Variants in SPATA24 observed in about 807,000 individuals in gnomAD.
SPATA24 encodes spermatogenesis-associated protein 24.
A neutral mutation model predicts 28.9 loss-of-function variants in SPATA24; 21 were observed. The ratio of observed to expected loss-of-function variants is 0.73; its 90% CI spans 0.52 to 1.05. The LOEUF (loss-of-function observed/expected upper bound fraction) is 1.05. SPATA24 is among the 50% of genes least tolerant of loss of function. The pLI, the probability that SPATA24 is intolerant of heterozygous loss-of-function variation, is 0.00. For missense variants in SPATA24, 215 were observed against 242.9 expected (o/e 0.88, Z 0.76); for synonymous variants, 76 against 89.9 (o/e 0.85, Z 0.88).
downstream of SPATA24, chr5:139,396,637 A>G: frequency 1.3e-6 from 2 of 1,487,386 alleles, no homozygotes; most frequent in South Asian, 2.6e-5. Flanking sequence ...CTACCAGACA[A>G]CAAAGACCCA....
downstream of SPATA24, chr5:139,394,256 G>A (rs1161243522): frequency 2.6e-6 from 4 of 1,545,702 alleles, no homozygotes; most frequent in Non-Finnish European, 2.6e-6. Flanking sequence ...GGTTCCGACC[G>A]CCCCGTGGAC....
chr5:139,403,232 C>G (rs1233482551), intron 1 of SPATA24, among the ~76,000 whole-genome samples: 2 of 152,312 alleles, frequency 1.3e-5, no homozygotes, highest in East Asian at 1.9e-4. Context: ...GGACAGGTCT[C>G]TCTCCCCTTT....
chr5:139,396,344 T>C (rs1758705175), downstream of SPATA24: 3 of 985,442 alleles, frequency 3.0e-6, no homozygotes, highest in African/African-American at 1.7e-5. Context: ...AGCATTGTCT[T>C]TTCTCTTCCT....
downstream of SPATA24, chr5:139,394,175 G>A: frequency 3.9e-6 from 6 of 1,546,292 alleles, no homozygotes; most frequent in Non-Finnish European, 5.2e-6. Context: ...GAATTATCTC[G>A]TACGCGAAGT....
At chr5:139,393,754 G>T, downstream of SPATA24, 11 of 1,551,414 alleles carry the variant, frequency 7.1e-6, no homozygotes, top group Non-Finnish European at 7.8e-6. Flanking sequence ...TTCCTCGACG[G>T]CAGGATTTTG....
chr5:139,394,756 C>A (rs1373670539), downstream of SPATA24: 2 of 1,532,856 alleles, frequency 1.3e-6, no homozygotes, highest in Non-Finnish European at 1.8e-6. Flanking sequence ...TTCCATCTCC[C>A]CCGACGGCAG....
At chr5:139,396,690 C>T, downstream of SPATA24, 1 of 1,544,470 alleles carries the variant, frequency 6.5e-7, no homozygotes, top group Non-Finnish European at 8.7e-7. Context: ...TGGACCCCTA[C>T]CACTATCCAA....
downstream of SPATA24, chr5:139,392,810 C>T: frequency 6.6e-7 from 1 of 1,511,914 alleles, no homozygotes; most frequent in Non-Finnish European, 8.9e-7. This position sits in a 1 kb window ranked among gnomAD's most constrained non-coding sequence, Gnocchi z 5.8. Context: ...CTGTTCTCTC[C>T]TCCAGGGCCG....
chr5:139,394,403 G>T, downstream of SPATA24: 1 of 1,390,052 alleles, frequency 7.2e-7, no homozygotes. Flanking sequence ...AGCCGGGGGC[G>T]CGGCGCGCCG....
At chr5:139,394,782 C>T, downstream of SPATA24, 1 of 1,529,888 alleles carries the variant, frequency 6.5e-7, no homozygotes, top group Non-Finnish European at 8.8e-7. Context: ...GCAGCTGGGG[C>T]TGGGGTGGCC....
At chr5:139,402,574 C>T in intron 2 of SPATA24, 54 bp downstream of exon 2, 1 of 1,494,864 alleles carries the variant, frequency 6.7e-7, no homozygotes, top group South Asian at 1.2e-5. Flanking sequence ...TGCCTAACCA[C>T]AGGGATCCTG....
chr5:139,400,132 G>A (rs1758790602), intron 4 of SPATA24, among the ~76,000 whole-genome samples: 1 of 152,054 alleles, frequency 6.6e-6, no homozygotes, highest in Admixed American at 6.5e-5. Flanking sequence ...TTCCCAGTGA[G>A]AGCACTCACT....
Position 139,403,940 on chromosome 5 carries a change from A to C in SPATA24, c.117+4T>G. 6.4e-7 allele frequency: 1 copy of C among 1,551,038 alleles called. No individual in the cohort carries two copies. ...CCTCTCCCCAAACTCCTCTGGCTGC[A>C]TACCACGTTCCTCAGCTGGTGGATT... On this transcript the variant is annotated splice_donor_region_variant and intron_variant, in intron 1 of 5. Coordinates refer to ENST00000450845, the MANE Select transcript of SPATA24 (RefSeq NM_194296.2).
downstream of SPATA24, chr5:139,393,246 C>T: frequency 1.3e-6 from 2 of 1,549,246 alleles, no homozygotes; most frequent in Non-Finnish European, 1.7e-6. Flanking sequence ...GTCCCGAGGC[C>T]GCCTCTCCAG....
At chr5:139,397,833 G>A (rs754199156) in intron 4 of SPATA24, among the ~76,000 whole-genome samples, 3 of 152,198 alleles carry the variant, frequency 2.0e-5, no homozygotes, top group Non-Finnish European at 2.9e-5. Context: ...GGGATTACAG[G>A]CGTGAGCCAC....
At chr5:139,392,593 G>A, downstream of SPATA24, 1 of 1,365,686 alleles carries the variant, frequency 7.3e-7, no homozygotes, top group South Asian at 1.8e-5. The surrounding 1 kb of genome is among the most constrained non-coding windows in gnomAD (Gnocchi z 5.8). Flanking sequence ...CGCCTGGACG[G>A]CAGCCGCGGG....
At chr5:139,394,517 C>T, downstream of SPATA24, 2 of 1,453,938 alleles carry the variant, frequency 1.4e-6, no homozygotes, top group Non-Finnish European at 1.8e-6. Context: ...GCCACCTCCA[C>T]ACACTCGAAC....
downstream of SPATA24, chr5:139,394,277 CGCTG>C: frequency 6.5e-7 from 1 of 1,540,262 alleles, no homozygotes; most frequent in Non-Finnish European, 8.8e-7. Context: ...CCGAAGGTGG[CGCTG>C]CTCGGGGCCG....
downstream of SPATA24, chr5:139,395,045 T>A (rs1758674646): frequency 2.1e-6 from 3 of 1,427,052 alleles, no homozygotes; most frequent in Non-Finnish European, 2.8e-6. Context: ...TGCCTCGGGA[T>A]CCCAGGCAGG....
Sources: gnomAD v4.1 joint callset for allele counts (sites outside exome capture counted in the v4.1 genomes callset) on GRCh38, gnomAD v4.1.1 for gene constraint, Gnocchi (gnomAD v3.1) non-coding constraint, MANE v1.5 for transcripts, NCBI Gene and HGNC (gene_info 2026-07-23, HGNC 2026-07-21) for gene names.